The following GRXCR1 variants were observed in gnomAD, a reference collection of about 807,000 sequenced individuals.
GRXCR1 encodes glutaredoxin and cysteine rich domain containing 1, also known as glutaredoxin domain-containing cysteine-rich protein 1.
Under a neutral mutation model 27.3 loss-of-function variants are expected in GRXCR1, and 27 were observed. That is an observed-to-expected ratio of 0.99 (90% CI 0.73 to 1.37). GRXCR1 has a LOEUF of 1.37. Among genes scored for constraint, GRXCR1 ranks in the 40% most tolerant of loss-of-function variants. The probability of loss-of-function intolerance (pLI) is 0.00; values close to 1 mark genes in which losing one functional copy is unlikely to be tolerated. For missense variants in GRXCR1, 379 were observed against 354.4 expected (o/e 1.07, Z -0.56); for synonymous variants, 122 against 131.1 (o/e 0.93, Z 0.47).
intron 3 of GRXCR1, among the ~76,000 whole-genome samples, chr4:43,026,198 G>A (rs1713254347): frequency 1.3e-5 from 2 of 151,918 alleles, no homozygotes; most frequent in African/African-American, 4.8e-5. Context: ...TGATCTGTGG[G>A]CAAAACTGTC....
chr4:42,953,237 G>C (rs565555231), intron 1 of GRXCR1, among the ~76,000 whole-genome samples: 20 of 152,180 alleles, frequency 1.3e-4, no homozygotes, highest in African/African-American at 4.8e-4. Context: ...TCAAGAAGTG[G>C]GAGTCTATTT....
chr4:42,945,086 G>A (rs1413433962), intron 1 of GRXCR1, among the ~76,000 whole-genome samples: 2 of 152,132 alleles, frequency 1.3e-5, no homozygotes, highest in African/African-American at 4.8e-5. Context: ...AAGAGGCCAA[G>A]GGGAGCTTGT....
intron 1 of GRXCR1, among the ~76,000 whole-genome samples, chr4:42,905,099 C>A (rs911377665): frequency 6.6e-6 from 1 of 152,174 alleles, no homozygotes; most frequent in African/African-American, 2.4e-5. Context: ...CCACACAAAC[C>A]TGTTGTCTTG....
chr4:42,958,218 ATTCT>A (rs1748051690), intron 1 of GRXCR1, among the ~76,000 whole-genome samples: 1 of 152,032 alleles, frequency 6.6e-6, no homozygotes, highest in African/African-American at 2.4e-5. Context: ...TCTTGGCTGA[ATTCT>A]TTCTTTTAAG....
At position 42,910,734 on chromosome 4, in the gene GRXCR1, A is replaced by G. The variant is rs115355825; in HGVS notation, c.384+17084A>G. 6.9e-3 allele frequency among the ~76,000 whole-genome samples: 1,045 copies of G among 152,286 alleles called. 7 individuals carry two copies. The highest frequency in any genetic ancestry group is 0.024 in the African/African-American group (1,003 of 41,560). ...CTTGATTTTCCATTCTGACTCCTCCAGTCTTATCGCTGGACACACTCTCCC... is the reference window on the plus strand; with the variant it reads ...CTTGATTTTCCATTCTGACTCCTCCGGTCTTATCGCTGGACACACTCTCCC... On this transcript the variant is annotated intron_variant, in intron 1 of 3. Coordinates refer to ENST00000399770, the MANE Select transcript of GRXCR1 (RefSeq NM_001080476.3).
chr4:42,899,196 A>G (rs373690780), intron 1 of GRXCR1, among the ~76,000 whole-genome samples: 13 of 152,112 alleles, frequency 8.5e-5, no homozygotes, highest in African/African-American at 2.9e-4. Flanking sequence ...GAGATTTCCC[A>G]TAACGGACAG....
At chr4:42,930,432 G>A (rs1453760494) in intron 1 of GRXCR1, among the ~76,000 whole-genome samples, 2 of 151,836 alleles carry the variant, frequency 1.3e-5, no homozygotes, top group Non-Finnish European at 2.9e-5. Context: ...TGTTTATTTA[G>A]GATATGTTAA....
chr4:43,012,742 A>T (rs1443952643), intron 2 of GRXCR1, among the ~76,000 whole-genome samples: 1 of 152,186 alleles, frequency 6.6e-6, no homozygotes, highest in Non-Finnish European at 1.5e-5. Flanking sequence ...TTAATGTGTA[A>T]ACTGATGAGC....
At chr4:43,001,197 C>T (rs538888053) in intron 2 of GRXCR1, among the ~76,000 whole-genome samples, 22 of 152,000 alleles carry the variant, frequency 1.4e-4, no homozygotes, top group East Asian at 7.7e-4. Flanking sequence ...TTTTTCCCCC[C>T]GGTGTACAAT....
At chr4:43,000,365 A>G (rs372597012) in intron 2 of GRXCR1, among the ~76,000 whole-genome samples, 10 of 151,622 alleles carry the variant, frequency 6.6e-5, no homozygotes, top group Admixed American at 5.3e-4. Flanking sequence ...AATCCCAGCT[A>G]CTCAGGAGGC....
At chr4:42,916,429 T>C (rs1325076958) in intron 1 of GRXCR1, among the ~76,000 whole-genome samples, 1 of 152,212 alleles carries the variant, frequency 6.6e-6, no homozygotes, top group Admixed American at 6.5e-5. Context: ...TGAATATCTG[T>C]CATTTTTTGA....
intron 2 of GRXCR1, among the ~76,000 whole-genome samples, chr4:42,972,934 C>A (rs1201282521): frequency 6.6e-6 from 1 of 152,026 alleles, no homozygotes; most frequent in Non-Finnish European, 1.5e-5. Flanking sequence ...AACTTAGTAA[C>A]GTCCTGCTTT....
At chr4:42,910,100 AC>A (rs1653847480) in intron 1 of GRXCR1, among the ~76,000 whole-genome samples, 1 of 152,264 alleles carries the variant, frequency 6.6e-6, no homozygotes, top group Admixed American at 6.5e-5. Flanking sequence ...ATGGCAGCAG[AC>A]GAGAGGGAAG....
rs150327223 is a variant in GRXCR1, at chr4:43,019,151, C to G, written c.628-1203C>G. 3.6e-4 allele frequency among the ~76,000 whole-genome samples: 55 copies of G among 152,334 alleles called. No homozygotes were observed. In the East Asian group the frequency reaches 0.011, roughly 29 times the overall value. ...GGTCCAGATCAAATGCCACCAACCT[C>G]AGAAAGCCTTCTCTACTCTCATAAA... On this transcript the variant is annotated intron_variant, in intron 2 of 3. Transcript: ENST00000399770.
intron 1 of GRXCR1, 141 bp from the exon 2 acceptor site, chr4:42,962,751 T>C: frequency 1.1e-6 from 1 of 878,788 alleles, no homozygotes; most frequent in South Asian, 1.4e-5. Context: ...TGTTGTAACT[T>C]AAAAAGGTAA....
chr4:42,969,554 G>A (rs1304277760), intron 2 of GRXCR1, among the ~76,000 whole-genome samples: 1 of 152,094 alleles, frequency 6.6e-6, no homozygotes, highest in Non-Finnish European at 1.5e-5. Context: ...TGGAGCACGG[G>A]AGAGAGAGGG....
At chr4:42,913,886 T>G (rs1746825213) in intron 1 of GRXCR1, among the ~76,000 whole-genome samples, 1 of 152,196 alleles carries the variant, frequency 6.6e-6, no homozygotes, top group Non-Finnish European at 1.5e-5. Context: ...GGTCAATGTA[T>G]AGCTCACATC....
rs1337980310 is a variant in GRXCR1, at chr4:42,982,871, T to C, written c.627+19737T>C. On this transcript the variant is annotated intron_variant, in intron 2 of 3. Coordinates refer to ENST00000399770, the MANE Select transcript of GRXCR1 (RefSeq NM_001080476.3). Reference sequence around the variant, plus strand: ...AATGTCTTCTTTTGAGAAGTGTCTGTTCATGTCCTTCGCCCACTTTTTGAT... The same window carrying C: ...AATGTCTTCTTTTGAGAAGTGTCTGCTCATGTCCTTCGCCCACTTTTTGAT... Among the ~76,000 whole-genome samples, 198 of 151,900 alleles carry C rather than the reference T, an allele frequency of 1.3e-3. 3 individuals carry two copies. The highest frequency in any genetic ancestry group is 2.8e-4 in the Non-Finnish European group (19 of 67,788).
Position 42,975,236 on chromosome 4 carries a change from C to T in GRXCR1, c.627+12102C>T, listed in dbSNP as rs187967146. ...CAAAACTGACTCATCTATAAGTCTACGATAGTCCCTGGGCCTAGAGGGATT... is the reference window on the plus strand; with the variant it reads ...CAAAACTGACTCATCTATAAGTCTATGATAGTCCCTGGGCCTAGAGGGATT... On this transcript the variant is annotated intron_variant, in intron 2 of 3. Coordinates refer to ENST00000399770, the MANE Select transcript of GRXCR1 (RefSeq NM_001080476.3). Among the ~76,000 whole-genome samples, 168 of 152,200 alleles carry T rather than the reference C, an allele frequency of 1.1e-3. 2 individuals carry two copies. The highest frequency in any genetic ancestry group is 1.7e-3 in the Non-Finnish European group (118 of 68,014).
Sources: gnomAD v4.1 joint callset for allele counts (sites outside exome capture counted in the v4.1 genomes callset) on GRCh38, gnomAD v4.1.1 for gene constraint, MANE v1.5 for transcripts, NCBI Gene and HGNC (gene_info 2026-07-23, HGNC 2026-07-21) for gene names.